PCDH15: variants seen among roughly 807,000 people sequenced by gnomAD.
PCDH15 encodes protocadherin related 15, also known as protocadherin-15.
A neutral mutation model predicts 178.5 loss-of-function variants in PCDH15; 129 were observed. The ratio of observed to expected loss-of-function variants is 0.72; its 90% CI spans 0.63 to 0.84. PCDH15 has a LOEUF of 0.84. PCDH15 is among the 40% of genes least tolerant of loss of function. The pLI is 0.00. For synonymous variants in PCDH15, 800 were observed against 732.0 expected, an observed-to-expected ratio of 1.09 and a Z score of -1.50; for missense variants, 2,230 against 2,099.9, an observed-to-expected ratio of 1.06 and a Z score of -1.21.
chr10:54,898,228 C>T (rs1954579477), intron 2 of PCDH15, among the ~76,000 whole-genome samples: 1 of 152,100 alleles, frequency 6.6e-6, no homozygotes, highest in Non-Finnish European at 1.5e-5. Flanking sequence ...TCAGGTATTT[C>T]TTTATAGCAA....
At chr10:54,878,736 T>TTACATA (rs1954200550) in intron 3 of PCDH15, among the ~76,000 whole-genome samples, 2 of 152,150 alleles carry the variant, frequency 1.3e-5, no homozygotes, top group African/African-American at 4.8e-5. Flanking sequence ...GGTAAATGTG[T>TTACATA]GCCATGGTGG....
chr10:55,047,734 AT>A (rs1186433725), intron 2 of PCDH15, among the ~76,000 whole-genome samples: 2 of 151,824 alleles, frequency 1.3e-5, no homozygotes, highest in Non-Finnish European at 1.5e-5. Context: ...TTCCAAAAAA[AT>A]AAATGTTTTC....
intron 2 of PCDH15, among the ~76,000 whole-genome samples, chr10:54,622,922 T>C (rs1018678976): frequency 6.7e-6 from 1 of 149,098 alleles, no homozygotes; most frequent in Non-Finnish European, 1.5e-5. Flanking sequence ...AGATTCTTTA[T>C]TTTCATTCTC....
At chr10:54,636,847 A>AT (rs2093865667) in intron 2 of PCDH15, among the ~76,000 whole-genome samples, 1 of 151,926 alleles carries the variant, frequency 6.6e-6, no homozygotes, top group African/African-American at 2.4e-5. Context: ...TTGCCCTATT[A>AT]TTTTCCAGTA....
chr10:55,042,612 T>C (rs1840892628), intron 2 of PCDH15, among the ~76,000 whole-genome samples: 1 of 152,108 alleles, frequency 6.6e-6, no homozygotes, highest in African/African-American at 2.4e-5. Flanking sequence ...TCAAAATACA[T>C]TAGTGTTAAT....
At chr10:54,127,601 G>A (rs532171038) in intron 15 of PCDH15, among the ~76,000 whole-genome samples, 1 of 152,156 alleles carries the variant, frequency 6.6e-6, no homozygotes, top group African/African-American at 2.4e-5. Flanking sequence ...AGGGCCAGCT[G>A]AGTATTTTGT....
chr10:54,520,129 A>T lies in PCDH15; in HGVS notation c.157+7683T>A, dbSNP rs534264853. ...AAAACCCTAGAAGAAAACCTAGGCA[A>T]TACCATTCAGGACATAGTCATGGGC... On this transcript the variant is annotated intron_variant, in intron 3 of 37. Coordinates refer to ENST00000644397, the MANE Select transcript of PCDH15 (RefSeq NM_001384140.1). Among the ~76,000 whole-genome samples the T allele has an allele frequency of 3.9e-5, 6 of 152,270 alleles. No homozygotes were observed. In the East Asian group the frequency reaches 9.6e-4, roughly 24 times the overall value.
intron 8 of PCDH15, among the ~76,000 whole-genome samples, chr10:54,304,535 G>A (rs924700375): frequency 2.0e-5 from 3 of 152,060 alleles, no homozygotes; most frequent in African/African-American, 7.2e-5. Context: ...AGGAAAAAAC[G>A]TCCTGGCAGC....
Position 54,657,503 on chromosome 10 carries a change from A to G in PCDH15, c.91+6669T>C, listed in dbSNP as rs569445149. Among the ~76,000 whole-genome samples, 4 of 152,222 alleles carry G rather than the reference A, an allele frequency of 2.6e-5. No homozygotes were observed. In the South Asian group the frequency reaches 8.3e-4, roughly 32 times the overall value. ...TAGTGAATAAGATAAGCTTCCTGAGACCTCTGTACTCTCAGCCTCGCAGGA... is the reference window on the plus strand; with the variant it reads ...TAGTGAATAAGATAAGCTTCCTGAGGCCTCTGTACTCTCAGCCTCGCAGGA... On this transcript the variant is annotated intron_variant, in intron 2 of 37. Transcript: ENST00000644397.
chr10:55,321,843 G>C (rs1565006993), upstream of PCDH15, among the ~76,000 whole-genome samples: 2 of 152,106 alleles, frequency 1.3e-5, no homozygotes, highest in East Asian at 3.9e-4. Context: ...CCTTACACAA[G>C]GATTTGAAGG....
intron 2 of PCDH15, among the ~76,000 whole-genome samples, chr10:55,468,823 C>G (rs1264078556): frequency 6.6e-6 from 1 of 152,112 alleles, no homozygotes; most frequent in Non-Finnish European, 1.5e-5. Context: ...CTACCCTGAA[C>G]TATATCTCCA....
At chr10:54,528,275 G>T (rs2083554881) in intron 2 of PCDH15, 1 of 989,650 alleles carries the variant, frequency 1.0e-6, no homozygotes, top group Non-Finnish European at 1.6e-6. Context: ...TGTGATAAAG[G>T]GTCTAATTAG....
intron 2 of PCDH15, among the ~76,000 whole-genome samples, chr10:55,155,502 A>AG (rs1324498769): frequency 7.3e-5 from 11 of 151,040 alleles, no homozygotes; most frequent in Non-Finnish European, 1.3e-4. Flanking sequence ...AAAAAAAAAA[A>AG]AGCAATAATA....
At chr10:55,139,061 C>T (rs1280625468) in intron 2 of PCDH15, among the ~76,000 whole-genome samples, 3 of 151,860 alleles carry the variant, frequency 2.0e-5, no homozygotes. Flanking sequence ...GTTGGCACTT[C>T]CTCAATGGCT....
intron 2 of PCDH15, among the ~76,000 whole-genome samples, chr10:54,569,196 G>A (rs2089457368): frequency 6.6e-6 from 1 of 151,854 alleles, no homozygotes; most frequent in Non-Finnish European, 1.5e-5. Context: ...TATTACTATT[G>A]AACTTTTTAT....
At chr10:54,967,796 G>A (rs897991974) in intron 2 of PCDH15, among the ~76,000 whole-genome samples, 1 of 152,144 alleles carries the variant, frequency 6.6e-6, no homozygotes. Context: ...AGACCATGGT[G>A]GGAGCAGTTG....
chr10:54,428,435 A>G (rs1311473469), intron 3 of PCDH15, among the ~76,000 whole-genome samples: 2 of 152,220 alleles, frequency 1.3e-5, no homozygotes, highest in South Asian at 2.1e-4. Context: ...TACATAAACT[A>G]CACATTATTC....
intron 2 of PCDH15, among the ~76,000 whole-genome samples, chr10:54,574,572 G>T (rs1424241705): frequency 6.9e-6 from 1 of 144,572 alleles, no homozygotes; most frequent in Non-Finnish European, 1.5e-5. Flanking sequence ...CTGGCCATCA[G>T]AGAAATGCAA....
intron 34 of PCDH15, among the ~76,000 whole-genome samples, chr10:53,816,561 T>A (rs776845958): frequency 2.6e-5 from 4 of 152,192 alleles, no homozygotes; most frequent in Non-Finnish European, 5.9e-5. Context: ...AGATTTTTGT[T>A]TTGTTAAGCT....
Sources: gnomAD v4.1 joint callset for allele counts (sites outside exome capture counted in the v4.1 genomes callset) on GRCh38, gnomAD v4.1.1 for gene constraint, MANE v1.5 for transcripts, NCBI Gene and HGNC (gene_info 2026-07-23, HGNC 2026-07-21) for gene names.